LATS1: variants seen among roughly 807,000 people sequenced by gnomAD.
LATS1 encodes the protein serine/threonine-protein kinase LATS1.
In LATS1, 25 loss-of-function variants were observed where a neutral mutation model predicts 106.6. The observed-to-expected ratio is 0.23, with a 90% confidence interval of 0.17 to 0.33. The LOEUF (loss-of-function observed/expected upper bound fraction) is 0.33. LATS1 is among the 10% of genes least tolerant of loss of function. The pLI, the probability that LATS1 is intolerant of heterozygous loss-of-function variation, is 1.00. For synonymous variants in LATS1, 465 were observed against 455.6 expected, an observed-to-expected ratio of 1.02 and a Z score of -0.26; for missense variants, 1,040 against 1,382.6, an observed-to-expected ratio of 0.75 and a Z score of 3.93.
chr6:149,718,046 G>A lies in LATS1; in HGVS notation c.-338C>T, dbSNP rs975219609. 60 of 297,752 alleles carry A rather than the reference G, an allele frequency of 2.0e-4. No homozygotes were observed. The highest frequency in any genetic ancestry group is 2.7e-4 in the Non-Finnish European group (41 of 151,080). 18.4% of individuals were successfully genotyped at this position (297,752 alleles called of 1,614,324 possible). A position where few individuals can be genotyped will look rare whatever the true frequency, so the allele number is the denominator to read the frequency against. On this transcript the variant is annotated 5_prime_UTR_variant, in exon 1 of 8. Transcript: ENST00000543571. ...GCTCTCCCCTTAACACCAGGCCACC[G>A]CCGCCGCCGCCGCCATTTTGCCTTC... is the stretch of plus-strand genomic sequence containing the variant.
chr6:149,703,123 G>A (rs1293058801), intron 1 of LATS1, among the ~76,000 whole-genome samples: 1 of 151,712 alleles, frequency 6.6e-6, no homozygotes, highest in Non-Finnish European at 1.5e-5. Flanking sequence ...ACAGGTGTCT[G>A]CCACCACGCC....
rs1231702039 is a variant in LATS1 at position 149,695,674 on chromosome 6, T to TG, written c.349-454dup. Among the ~76,000 whole-genome samples the TG allele has an allele frequency of 4.0e-4, 43 of 108,308 alleles. No individual in the cohort carries two copies. In the Middle Eastern group the frequency reaches 0.012, roughly 31 times the overall value. 71.1% of individuals were successfully genotyped at this position (108,308 alleles called of 152,430 possible). A position where few individuals can be genotyped will look rare whatever the true frequency, so the allele number is the denominator to read the frequency against. ...TGGGCAACAGAGCGAGATGCTGTCT[T>TG]GGAAAAAAAAAAAAAAAAGAAAGAA... is the stretch of plus-strand genomic sequence containing the variant. On this transcript the variant is annotated intron_variant, in intron 2 of 7. Transcript: ENST00000543571.
chr6:149,663,035 C>T (rs1347187759), intron 7 of LATS1, among the ~76,000 whole-genome samples: 1 of 151,476 alleles, frequency 6.6e-6, no homozygotes, highest in Non-Finnish European at 1.5e-5. Context: ...GAAAGGAATG[C>T]CAAGTGAAGC....
At chr6:149,674,990 G>A (rs964738552) in intron 7 of LATS1, among the ~76,000 whole-genome samples, 4 of 151,936 alleles carry the variant, frequency 2.6e-5, no homozygotes, top group African/African-American at 7.2e-5. Flanking sequence ...AGGCCGAGGC[G>A]GGCAGATCAC....
At position 149,691,899 on chromosome 6, in the gene LATS1, C is replaced by G. The variant is rs553857486; in HGVS notation, c.496+3175G>C. On this transcript the variant is annotated intron_variant, in intron 3 of 7. Coordinates refer to ENST00000543571, the MANE Select transcript of LATS1 (RefSeq NM_004690.4). Reference sequence around the variant, plus strand: ...CCATCTATTTTTCTAAGCCAAAAACCTAAGTTATCCCCTTCTACCATCACG... The same window carrying G: ...CCATCTATTTTTCTAAGCCAAAAACGTAAGTTATCCCCTTCTACCATCACG... Among the ~76,000 whole-genome samples, 9 of 152,084 alleles carry G rather than the reference C, an allele frequency of 5.9e-5. No homozygotes were observed. In the South Asian group the frequency reaches 1.9e-3, roughly 32 times the overall value.
rs1780880354 is a variant in LATS1, at chr6:149,661,454, AC to A, written c.*274del. ...GGTTTCTCCTTTTAAACAAAGCACT[AC>A]TTATTTTAAGTACTTTAAGTACCAA... On this transcript the variant is annotated 3_prime_UTR_variant, in exon 8 of 8. Coordinates refer to ENST00000543571, the MANE Select transcript of LATS1 (RefSeq NM_004690.4). 3 of 321,552 alleles carry A rather than the reference AC, an allele frequency of 9.3e-6. No individual in the cohort carries two copies. The highest frequency in any genetic ancestry group is 1.7e-5 in the Non-Finnish European group (3 of 177,402). The allele number at this position is 321,552 out of a possible 1,614,324, so 19.9% of individuals were successfully genotyped here.
chr6:149,715,178 C>T (rs1412596034), intron 1 of LATS1, among the ~76,000 whole-genome samples: 1 of 152,114 alleles, frequency 6.6e-6, no homozygotes. Flanking sequence ...AAGTGATTCT[C>T]CTGCCTCAGC....
chr6:149,715,274 G>A (rs1004970540), intron 1 of LATS1, among the ~76,000 whole-genome samples: 2 of 152,016 alleles, frequency 1.3e-5, no homozygotes, highest in South Asian at 2.1e-4. Context: ...TCACCATGTT[G>A]GCCAGGCTGG....
intron 3 of LATS1, among the ~76,000 whole-genome samples, chr6:149,693,412 C>T (rs1008328705): frequency 6.6e-6 from 1 of 151,746 alleles, no homozygotes; most frequent in Non-Finnish European, 1.5e-5. Context: ...GAGTTCAAGA[C>T]CAGCATGGCC....
rs1000755481 is a variant in LATS1, at chr6:149,700,047, A to G, written c.348+1732T>C. On this transcript the variant is annotated intron_variant, in intron 2 of 7. Transcript: ENST00000543571. Reference sequence around the variant, plus strand: ...TCCTCCAAATACTAACGAGAAAAACATTATCCCAGGTCCTTCCCTCCTCCT... The same window carrying G: ...TCCTCCAAATACTAACGAGAAAAACGTTATCCCAGGTCCTTCCCTCCTCCT... 3.3e-5 allele frequency among the ~76,000 whole-genome samples: 5 copies of G among 152,222 alleles called. No homozygotes were observed. The East Asian group carries it at 9.6e-4, about 29-fold the overall frequency.
chr6:149,690,024 C>T (rs1176000429), intron 3 of LATS1, among the ~76,000 whole-genome samples: 1 of 151,028 alleles, frequency 6.6e-6, no homozygotes, highest in African/African-American at 2.4e-5. Flanking sequence ...AGCTCTACCT[C>T]AAAGTGTTAT....
intron 4 of LATS1, among the ~76,000 whole-genome samples, chr6:149,681,791 A>G (rs899975646): frequency 1.3e-5 from 2 of 152,162 alleles, no homozygotes; most frequent in Non-Finnish European, 2.9e-5. Context: ...TAAGATTAGG[A>G]GTCAAATCTT....
At chr6:149,715,513 T>C (rs1315951461) in intron 1 of LATS1, among the ~76,000 whole-genome samples, 1 of 152,228 alleles carries the variant, frequency 6.6e-6, no homozygotes, top group Non-Finnish European at 1.5e-5. Context: ...AGTTCATGGA[T>C]GTTCATTTTA....
At chr6:149,680,743 G>T (rs368196143) in intron 4 of LATS1, among the ~76,000 whole-genome samples, 1 of 110,322 alleles carries the variant, frequency 9.1e-6, no homozygotes, top group South Asian at 3.1e-4. Flanking sequence ...AATGCACTCC[G>T]AAAAAAAAAA....
At chr6:149,709,698 T>TG (rs1783985952) in intron 1 of LATS1, among the ~76,000 whole-genome samples, 1 of 132,096 alleles carries the variant, frequency 7.6e-6, no homozygotes, top group African/African-American at 2.8e-5. Flanking sequence ...TTTTTTTAGA[T>TG]GGAGTCTCAC....
rs879453189 is a variant in LATS1 at position 149,711,240 on chromosome 6, T to TAA, written c.-141+6607_-141+6608dup. ...ACTAACTTTAAAGAAACTGTTTTGT[T>TAA]AAAAAAAAAAAAAATATCTTTTGGC... On this transcript the variant is annotated intron_variant, in intron 1 of 7. Transcript: ENST00000543571. Among the ~76,000 whole-genome samples, 115 of 143,200 alleles carry TAA rather than the reference T, an allele frequency of 8.0e-4. 1 individual carries two copies. Among genetic ancestry groups the TAA allele is most frequent in the African/African-American group, 2.8e-3 (109 of 39,368 alleles). The allele number at this position is 143,200 out of a possible 152,430, so 93.9% of individuals were successfully genotyped here.
At chr6:149,693,579 C>T (rs566317841) in intron 3 of LATS1, among the ~76,000 whole-genome samples, 1 of 151,914 alleles carries the variant, frequency 6.6e-6, no homozygotes, top group African/African-American at 2.4e-5. Context: ...CACTGCACTC[C>T]GGCCTGGGTG....
intron 5 of LATS1, among the ~76,000 whole-genome samples, chr6:149,678,275 C>G (rs1781842682): frequency 6.8e-6 from 1 of 147,474 alleles, no homozygotes; most frequent in Non-Finnish European, 1.5e-5. Flanking sequence ...ACCTGGGAGG[C>G]AGAGCTAGCA....
chr6:149,708,440 A>G (rs1490137085), intron 1 of LATS1, among the ~76,000 whole-genome samples: 4 of 151,796 alleles, frequency 2.6e-5, no homozygotes, highest in Non-Finnish European at 5.9e-5. Flanking sequence ...AAAAATTTCA[A>G]TTGTAAGATA....
Sources: gnomAD v4.1 joint callset for allele counts (sites outside exome capture counted in the v4.1 genomes callset) on GRCh38, gnomAD v4.1.1 for gene constraint, MANE v1.5 for transcripts, NCBI Gene and HGNC (gene_info 2026-07-23, HGNC 2026-07-21) for gene names.